Variants in LOC128706666 observed in about 807,000 individuals in gnomAD.
chr20:10,430,733 G>A, the LOC128706666 span, among the ~76,000 whole-genome samples: 2 of 152,222 alleles, frequency 1.3e-5, no homozygotes, highest in Non-Finnish European at 2.9e-5. Flanking sequence ...TAAAGTGAGA[G>A]CCAGGAAAGC....
chr20:10,428,939 G>A, the LOC128706666 span, among the ~76,000 whole-genome samples: 1 of 152,042 alleles, frequency 6.6e-6, no homozygotes. Context: ...CTGTGTCTTT[G>A]GGGTTCTAAC....
the LOC128706666 span, among the ~76,000 whole-genome samples, chr20:10,426,974 A>T: frequency 6.6e-6 from 1 of 150,848 alleles, no homozygotes; most frequent in African/African-American, 2.4e-5. Flanking sequence ...CTTCTACCTC[A>T]TTATAAATAC....
the LOC128706666 span, among the ~76,000 whole-genome samples, chr20:10,417,501 C>T: frequency 6.6e-6 from 1 of 152,124 alleles, no homozygotes; most frequent in Non-Finnish European, 1.5e-5. Context: ...GTCCCAGCTA[C>T]TTGGGATGCT....
chr20:10,425,967 A>T, the LOC128706666 span, among the ~76,000 whole-genome samples: 2 of 152,234 alleles, frequency 1.3e-5, no homozygotes, highest in African/African-American at 2.4e-5. Context: ...TAGAGTTGAT[A>T]TTTATAGTTT....
the LOC128706666 span, among the ~76,000 whole-genome samples, chr20:10,432,680 A>G: frequency 6.6e-6 from 1 of 150,988 alleles, no homozygotes; most frequent in Admixed American, 6.6e-5. Context: ...TGTAATCCCA[A>G]ACTTCTCCGG....
the LOC128706666 span, among the ~76,000 whole-genome samples, chr20:10,427,029 G>GACAC: frequency 0.038 from 4,979 of 130,626 alleles, 150 homozygotes; most frequent in African/African-American, 0.056. Context: ...AGAAAACACT[G>GACAC]ACACACACAC....
the LOC128706666 span, among the ~76,000 whole-genome samples, chr20:10,425,201 T>A: frequency 1.4e-4 from 21 of 152,212 alleles, no homozygotes; most frequent in African/African-American, 5.1e-4. Flanking sequence ...AATGTGATCA[T>A]GATACACATG....
At chr20:10,431,456 A>G in the LOC128706666 span, among the ~76,000 whole-genome samples, 1 of 152,006 alleles carries the variant, frequency 6.6e-6, no homozygotes, top group Non-Finnish European at 1.5e-5. Context: ...CTTGTCCTCA[A>G]GGAGAATACA....
the LOC128706666 span, among the ~76,000 whole-genome samples, chr20:10,430,713 G>A: frequency 6.6e-6 from 1 of 152,214 alleles, no homozygotes; most frequent in Non-Finnish European, 1.5e-5. Flanking sequence ...ACAGATAACT[G>A]TCAAGCTTCT....
the LOC128706666 span, among the ~76,000 whole-genome samples, chr20:10,425,089 C>G: frequency 6.6e-6 from 1 of 151,448 alleles, no homozygotes; most frequent in Non-Finnish European, 1.5e-5. Context: ...ATTAGCATTA[C>G]TGTTCTTTTC....
At chr20:10,432,789 CAAAAAAAAAAAAAAA>C in the LOC128706666 span, among the ~76,000 whole-genome samples, 2 of 74,560 alleles carry the variant, frequency 2.7e-5, no homozygotes, top group Admixed American at 1.9e-4. Context: ...GACTCTTTGT[CAAAAAAAAAAAAAAA>C]AAAAAAAAAA....
the LOC128706666 span, among the ~76,000 whole-genome samples, chr20:10,426,545 C>T: frequency 3.9e-5 from 6 of 152,016 alleles, no homozygotes; most frequent in African/African-American, 1.2e-4. Flanking sequence ...GATTACAGGC[C>T]CACGCCACCA....
the LOC128706666 span, among the ~76,000 whole-genome samples, chr20:10,428,114 T>A: frequency 6.6e-6 from 1 of 152,260 alleles, no homozygotes; most frequent in Non-Finnish European, 1.5e-5. Context: ...TCTCAAATAT[T>A]AAGCAAGTGA....
the LOC128706666 span, among the ~76,000 whole-genome samples, chr20:10,422,288 C>T: frequency 6.6e-6 from 1 of 151,924 alleles, no homozygotes; most frequent in Non-Finnish European, 1.5e-5. Context: ...ATTTTATGGC[C>T]TTTTCCTTTT....
the LOC128706666 span, among the ~76,000 whole-genome samples, chr20:10,430,963 A>G: frequency 6.6e-6 from 1 of 152,210 alleles, no homozygotes; most frequent in African/African-American, 2.4e-5. Context: ...ATCAAAGTCT[A>G]ACCTCCACCA....
At chr20:10,423,006 C>A in the LOC128706666 span, among the ~76,000 whole-genome samples, 1 of 152,076 alleles carries the variant, frequency 6.6e-6, no homozygotes, top group Admixed American at 6.6e-5. Context: ...CCACTGCGCC[C>A]GGCCCTTCAA....
the LOC128706666 span, among the ~76,000 whole-genome samples, chr20:10,432,818 G>T: frequency 6.0e-5 from 6 of 99,906 alleles, no homozygotes; most frequent in Non-Finnish European, 1.2e-4. Context: ...AAAAAAAATC[G>T]TGTAGTTTTG....
the LOC128706666 span, among the ~76,000 whole-genome samples, chr20:10,421,314 C>T: frequency 2.0e-5 from 3 of 151,236 alleles, no homozygotes; most frequent in Non-Finnish European, 2.9e-5. Flanking sequence ...ATCCTAGCTA[C>T]TCTGGAGGCT....
chr20:10,430,015 T>C, the LOC128706666 span, among the ~76,000 whole-genome samples: 34 of 149,242 alleles, frequency 2.3e-4, no homozygotes, highest in Non-Finnish European at 4.0e-4. Flanking sequence ...ACTTTTAATA[T>C]AGCCATCTTG....
Sources: allele counts gnomAD v4.1 joint callset (sites outside exome capture counted in the v4.1 genomes callset), GRCh38; gene constraint gnomAD v4.1.1; transcripts MANE v1.5.